The following PGA5 variants were observed in gnomAD, a reference collection of about 807,000 sequenced individuals.
The protein encoded by PGA5 is pepsin A-5.
Under a neutral mutation model 15.9 loss-of-function variants are expected in PGA5, and 19 were observed. The ratio of observed to expected loss-of-function variants is 1.19; its 90% CI spans 0.83 to 1.75. The LOEUF (loss-of-function observed/expected upper bound fraction) is 1.75. Ranked by LOEUF, PGA5 falls within the 40% of genes most tolerant of loss-of-function variation. The pLI, the probability that PGA5 is intolerant of heterozygous loss-of-function variation, is 0.00. For missense variants in PGA5, 224 were observed against 246.4 expected (o/e 0.91, Z 0.61); for synonymous variants, 92 against 95.8 (o/e 0.96, Z 0.23).
At chr11:61,248,913 C>T (rs947382529) in intron 6 of PGA5, among the ~76,000 whole-genome samples, 7 of 152,128 alleles carry the variant, frequency 4.6e-5, no homozygotes, top group Admixed American at 3.9e-4. Context: ...TGTCACTTTC[C>T]GTCTAGAAGT....
intron 6 of PGA5, 42 bp from the exon 7 acceptor site, chr11:61,249,627 C>G (rs1237428885): frequency 6.2e-7 from 1 of 1,613,524 alleles, no homozygotes; most frequent in Non-Finnish European, 8.5e-7. Context: ...GAGAGATGAA[C>G]CCCTGAGGGC....
chr11:61,249,762 C>T lies in PGA5; in HGVS notation c.867C>T (p.Pro289=). Residue 289 remains proline (P), a synonymous_variant, in exon 7 of 9, where the codon CCC becomes CCT. Transcript: ENST00000312403. ...CTCTGCTGACCGGCCCAACCAGCCCCATTGCCAACATCCAGAGCGACATCG... is the reference window on the plus strand; with the variant it reads ...CTCTGCTGACCGGCCCAACCAGCCCTATTGCCAACATCCAGAGCGACATCG... The part of the protein sequence containing the change: ...GTSLLTGPTS[P]IANIQSDIGA... 2.5e-6 allele frequency: 4 copies of T among 1,613,650 alleles called. No homozygotes were observed. The highest frequency in any genetic ancestry group is 3.4e-6 in the Non-Finnish European group (4 of 1,179,860).
chr11:61,248,116 A>C, intron 5 of PGA5: 1 of 676,782 alleles, frequency 1.5e-6, no homozygotes. Flanking sequence ...CACGGTGGAA[A>C]CCACACATTC....
Position 61,249,900 on chromosome 11 carries a change from C to A in PGA5, c.919-16C>A, listed in dbSNP as rs768285368. 8.1e-6 allele frequency: 13 copies of A among 1,613,620 alleles called. No individual in the cohort carries two copies. The East Asian group carries it at 2.7e-4, about 33-fold the overall frequency. On this transcript the variant is annotated splice_polypyrimidine_tract_variant and intron_variant, in intron 7 of 8. Coordinates refer to ENST00000312403, the MANE Select transcript of PGA5 (RefSeq NM_014224.5). ...ACGAAAACCCTTCTAACTTTTCTCA[C>A]CCTCACTCTTTCCAGATGGTGGTCA... is the stretch of plus-strand genomic sequence containing the variant.
intron 6 of PGA5, 22 bp from the exon 7 acceptor site, chr11:61,249,647 T>C: frequency 6.2e-7 from 1 of 1,613,570 alleles, no homozygotes; most frequent in Non-Finnish European, 8.5e-7. Context: ...CTCAGGGAGC[T>C]TAACTTGCTT....
intron 5 of PGA5, among the ~76,000 whole-genome samples, chr11:61,247,937 C>A (rs1054356773): frequency 6.6e-6 from 1 of 152,030 alleles, no homozygotes; most frequent in Non-Finnish European, 1.5e-5. Flanking sequence ...ATGCCGGCAG[C>A]ATCCCCTACC....
Position 61,250,284 on chromosome 11 carries a change from G to A in PGA5, c.1017+270G>A, listed in dbSNP as rs145481780. On this transcript the variant is annotated intron_variant, in intron 8 of 8. Transcript: ENST00000312403. ...ATTTGGACCCCTGCGTCCAAGTCCT[G>A]GGTCTGAATTACTAGCCCATTGATT... is the stretch of plus-strand genomic sequence containing the variant. Among the ~76,000 whole-genome samples the A allele has an allele frequency of 0.13, 19,490 of 150,594 alleles. 1,881 individuals carry two copies. The highest frequency in any genetic ancestry group is 0.25 in the African/African-American group (10,026 of 40,084).
chr11:61,248,532 A>T lies in PGA5; in HGVS notation c.770A>T (p.Asp257Val). The T allele has an allele frequency of 1.2e-6, 2 of 1,612,160 alleles. No homozygotes were observed. Among genetic ancestry groups the T allele is most frequent in the Non-Finnish European group, 1.7e-6 (2 of 1,179,760 alleles). Residue 257 changes from aspartate (D) to valine (V), a missense_variant, in exon 6 of 9, where the codon GAC becomes GTC. Physicochemically the swap from Asp to Val is radical, Grantham distance 152 (BLOSUM62 -3). Transcript: ENST00000312403. ...GAGGGTTACTGGCAGATCACCGTGG[A>T]CAGGTGAGACTGCCATGAACGGGCA... is the stretch of plus-strand genomic sequence containing the variant. ...TVEGYWQITVDSITMNGETIA... is the reference protein window; with the variant it reads ...TVEGYWQITVVSITMNGETIA...
Position 61,251,150 on chromosome 11 carries a change from A to C in PGA5, c.1036A>C (p.Ser346Arg), listed in dbSNP as rs777289733. 10 of 1,611,700 alleles carry C rather than the reference A, an allele frequency of 6.2e-6. No individual in the cohort carries two copies. In the Admixed American group the frequency reaches 1.3e-4, roughly 21 times the overall value. The change falls in exon 9 of 9, where the codon AGT becomes CGT. Residue 346 changes from serine (S) to arginine (R), a missense_variant. Coordinates refer to ENST00000312403, the MANE Select transcript of PGA5 (RefSeq NM_014224.5). Reference protein sequence around the residue: ...YILQSEGSCISGFQGMNVPTE... With the variant: ...YILQSEGSCIRGFQGMNVPTE... ...TCTCCAGAGCGAGGGGAGCTGCATC[A>C]GTGGCTTCCAGGGCATGAACGTCCC...
intron 6 of PGA5, among the ~76,000 whole-genome samples, 157 bp downstream of exon 6, chr11:61,248,692 A>G (rs1854100295): frequency 6.6e-6 from 1 of 152,000 alleles, no homozygotes; most frequent in South Asian, 2.1e-4. Context: ...AGCCAAAGAG[A>G]CCCCTAGAAA....
In PGA5 at chr11:61,249,688, ACCATC is replaced by A. The variant is rs1299179200; in HGVS notation, c.794_798del (p.Thr265SerfsTer4). ...CCTCAGCATCACCATGAACGGAGAG[ACCATC>A]GCCTGTGCTGAGGGCTGCCAGGCCA... On this transcript the variant is annotated frameshift_variant, in exon 7 of 9. Coordinates refer to ENST00000312403, the MANE Select transcript of PGA5 (RefSeq NM_014224.5). LOFTEE classifies it high-confidence loss of function. 1 of 1,612,156 alleles carries A rather than the reference ACCATC, an allele frequency of 6.2e-7. No homozygotes were observed. The highest frequency in any genetic ancestry group is 1.3e-5 in the African/African-American group (1 of 74,500).
chr11:61,246,810 A>G (rs1253523739), intron 5 of PGA5, among the ~76,000 whole-genome samples: 1 of 151,694 alleles, frequency 6.6e-6, no homozygotes, highest in Non-Finnish European at 1.5e-5. Flanking sequence ...AAATAAAGTG[A>G]CTATACTTAG....
Position 61,251,053 on chromosome 11 carries a change from C to G in PGA5, c.1018-79C>G, listed in dbSNP as rs1025140751. 15 of 1,610,440 alleles carry G rather than the reference C, an allele frequency of 9.3e-6. 1 individual carries two copies. In the African/African-American group the frequency reaches 2.0e-4, roughly 22 times the overall value. On this transcript the variant is annotated intron_variant, in intron 8 of 8. Coordinates refer to ENST00000312403, the MANE Select transcript of PGA5 (RefSeq NM_014224.5). Reference sequence around the variant, plus strand: ...CACGTGCCTTACAGCTGGACCAGGGCTCCCTGGATGTTTATCACCCAGCGC... The same window carrying G: ...CACGTGCCTTACAGCTGGACCAGGGGTCCCTGGATGTTTATCACCCAGCGC...
chr11:61,248,457 T>G lies in PGA5; in HGVS notation c.695T>G (p.Ile232Ser). 1 of 1,613,766 alleles carries G rather than the reference T, an allele frequency of 6.2e-7. No homozygotes were observed. Among genetic ancestry groups the G allele is most frequent in the Non-Finnish European group, 8.5e-7 (1 of 1,179,864 alleles). Residue 232 changes from isoleucine (I) to serine (S), a missense_variant, in exon 6 of 9, where the codon ATT (isoleucine) becomes AGT (serine). Coordinates refer to ENST00000312403, the MANE Select transcript of PGA5 (RefSeq NM_014224.5). ...KSGSVVIFGG[I>S]DSSYYTGSLN... ...GGCAGCGTGGTGATCTTTGGTGGCA[T>G]TGACTCTTCTTACTACACTGGAAGT...
In PGA5 at chr11:61,251,317, G is replaced by C. The variant is rs1854138779; in HGVS notation, c.*36G>C. On this transcript the variant is annotated 3_prime_UTR_variant, in exon 9 of 9. Transcript: ENST00000312403. Reference sequence around the variant, plus strand: ...CTTCAGCCACCTCCCAGGAAGATCTGGCCTCCGTCCTATGCCCACTTTAGA... The same window carrying C: ...CTTCAGCCACCTCCCAGGAAGATCTCGCCTCCGTCCTATGCCCACTTTAGA... 3.7e-6 allele frequency: 6 copies of C among 1,611,692 alleles called. No individual in the cohort carries two copies. Among genetic ancestry groups the C allele is most frequent in the Non-Finnish European group, 5.1e-6 (6 of 1,179,832 alleles).
chr11:61,250,112 C>A, intron 8 of PGA5, 98 bp downstream of exon 8: 1 of 1,483,720 alleles, frequency 6.7e-7, no homozygotes, highest in Non-Finnish European at 9.2e-7. Context: ...CGAGCTGAAG[C>A]CAGCAGGCAG....
In PGA5 at chr11:61,251,209, T is replaced by A; in HGVS notation, c.1095T>A (p.Asp365Glu). The change falls in exon 9 of 9, where the codon GAT (aspartate) becomes GAA (glutamate). Residue 365 changes from aspartate (D) to glutamate (E), a missense_variant. Coordinates refer to ENST00000312403, the MANE Select transcript of PGA5 (RefSeq NM_014224.5). ...CTGGAGAGCTTTGGATCCTGGGTGA[T>A]GTCTTCATCCGCCAGTACTTTACCG... ...TESGELWILGDVFIRQYFTVF... is the reference protein window; with the variant it reads ...TESGELWILGEVFIRQYFTVF... The A allele has an allele frequency of 6.2e-7, 1 of 1,611,894 alleles. No homozygotes were observed. Among genetic ancestry groups the A allele is most frequent in the East Asian group, 2.2e-5 (1 of 44,882 alleles).
chr11:61,250,558 A>C, intron 8 of PGA5: 2 of 457,208 alleles, frequency 4.4e-6, no homozygotes, highest in Non-Finnish European at 8.7e-6. Flanking sequence ...CTGTTATTAT[A>C]ACGTCAGGTG....
chr11:61,250,405 A>G (rs1476678859), intron 8 of PGA5, among the ~76,000 whole-genome samples: 2 of 151,540 alleles, frequency 1.3e-5, no homozygotes, highest in African/African-American at 4.9e-5. Flanking sequence ...AGGTCAACCA[A>G]GTGAGACTGA....
Sources: gnomAD v4.1 joint callset for allele counts (sites outside exome capture counted in the v4.1 genomes callset) on GRCh38, gnomAD v4.1.1 for gene constraint, MANE v1.5 for transcripts, NCBI Gene and HGNC (gene_info 2026-07-23, HGNC 2026-07-21) for gene names.